Variants in CACNA2D1 observed in about 807,000 individuals in gnomAD.
CACNA2D1 encodes the protein voltage-dependent calcium channel subunit alpha-2/delta-1.
In CACNA2D1, 53 loss-of-function variants were observed where a neutral mutation model predicts 171.5. The observed-to-expected ratio is 0.31, with a 90% confidence interval of 0.25 to 0.39. The LOEUF (loss-of-function observed/expected upper bound fraction) is 0.39, where lower values mean the gene tolerates loss of function less well. CACNA2D1 is among the 10% of genes least tolerant of loss of function. CACNA2D1 has a pLI of 1.00. For synonymous variants in CACNA2D1, 442 were observed against 443.1 expected, an observed-to-expected ratio of 1.00 and a Z score of 0.03; for missense variants, 903 against 1,299.8, an observed-to-expected ratio of 0.69 and a Z score of 4.69.
chr7:82,392,913 T>C (rs1260139456), intron 1 of CACNA2D1, among the ~76,000 whole-genome samples: 1 of 151,932 alleles, frequency 6.6e-6, no homozygotes, highest in Non-Finnish European at 1.5e-5. Flanking sequence ...CCCTGAAAGA[T>C]ACAGTTATCC....
chr7:82,203,608 G>C (rs988178282), intron 3 of CACNA2D1, among the ~76,000 whole-genome samples: 1 of 152,178 alleles, frequency 6.6e-6, no homozygotes, highest in Non-Finnish European at 1.5e-5. Context: ...CAAGCCCTAC[G>C]GGTAGTTGAT....
At chr7:82,078,889 A>G (rs547782248) in intron 7 of CACNA2D1, among the ~76,000 whole-genome samples, 173 of 150,624 alleles carry the variant, frequency 1.1e-3, no homozygotes, top group African/African-American at 4.3e-3. Context: ...AGGAAGAAGA[A>G]AGAGGGTGGA....
At chr7:82,308,990 T>C (rs973993756) in intron 3 of CACNA2D1, among the ~76,000 whole-genome samples, 7 of 152,208 alleles carry the variant, frequency 4.6e-5, no homozygotes, top group African/African-American at 1.7e-4. Context: ...AAATGAGAAT[T>C]TCAATGAAAG....
At chr7:82,427,077 C>A (rs146212141) in intron 1 of CACNA2D1, among the ~76,000 whole-genome samples, 13 of 152,290 alleles carry the variant, frequency 8.5e-5, no homozygotes, top group Admixed American at 2.0e-4. Context: ...CAGTTTCAGG[C>A]ATCCACTGGG....
chr7:82,248,320 A>T (rs1212227996), intron 3 of CACNA2D1, among the ~76,000 whole-genome samples: 1 of 152,006 alleles, frequency 6.6e-6, no homozygotes, highest in Non-Finnish European at 1.5e-5. Flanking sequence ...CTCTTTTTGG[A>T]AGACTGATCA....
chr7:82,426,602 G>GT (rs1267937448), intron 1 of CACNA2D1, among the ~76,000 whole-genome samples: 1 of 152,174 alleles, frequency 6.6e-6, no homozygotes, highest in African/African-American at 2.4e-5. Flanking sequence ...ATTACAAGTA[G>GT]TATGGTAATT....
At chr7:82,075,773 A>G (rs950790746) in intron 7 of CACNA2D1, among the ~76,000 whole-genome samples, 1 of 152,156 alleles carries the variant, frequency 6.6e-6, no homozygotes, top group African/African-American at 2.4e-5. Context: ...AATCTTTTTA[A>G]TTTTTCATAA....
chr7:82,371,435 A>G (rs1441723087), intron 1 of CACNA2D1, among the ~76,000 whole-genome samples: 2 of 152,202 alleles, frequency 1.3e-5, no homozygotes, highest in East Asian at 3.9e-4. Flanking sequence ...TCTTATATAG[A>G]AAATGTTTAA....
Position 81,967,225 on chromosome 7 carries a change from G to T in CACNA2D1, c.2464-18C>A. 1 of 1,595,708 alleles carries T rather than the reference G, an allele frequency of 6.3e-7. No individual in the cohort carries two copies. Among genetic ancestry groups the T allele is most frequent in the Non-Finnish European group, 8.6e-7 (1 of 1,164,980 alleles). The stretch of plus-strand genomic sequence containing the variant: ...CCAGCACACTGAAAGACAAAAATGC[G>T]ATTATCACCTCACTTTTAAAAGTTG... On this transcript the variant is annotated intron_variant, in intron 30 of 38. Coordinates refer to ENST00000356860, the MANE Select transcript of CACNA2D1 (RefSeq NM_000722.4).
At chr7:82,135,486 C>G (rs947553709) in intron 5 of CACNA2D1, among the ~76,000 whole-genome samples, 9 of 152,044 alleles carry the variant, frequency 5.9e-5, no homozygotes, top group Middle Eastern at 3.4e-3. Flanking sequence ...AAAAAAAATA[C>G]TTTTTAAAAC....
intron 18 of CACNA2D1, among the ~76,000 whole-genome samples, chr7:82,000,698 A>G (rs1562848618): frequency 6.7e-6 from 1 of 149,916 alleles, no homozygotes; most frequent in Admixed American, 6.7e-5. Flanking sequence ...ACTGGGTCCA[A>G]GCGATTCTGC....
intron 1 of CACNA2D1, among the ~76,000 whole-genome samples, chr7:82,393,078 G>GAAGGAAGA (rs1825341657): frequency 3.4e-5 from 4 of 117,958 alleles, no homozygotes; most frequent in African/African-American, 1.4e-4. Context: ...AGGAAGGAAG[G>GAAGGAAGA]AAGGAAGGCA....
intron 1 of CACNA2D1, among the ~76,000 whole-genome samples, chr7:82,411,386 A>G (rs573354568): frequency 9.2e-5 from 14 of 152,272 alleles, no homozygotes; most frequent in African/African-American, 2.9e-4. Context: ...CGAAAATAAC[A>G]TATTTCCCTG....
chr7:82,388,998 C>A (rs1320421359), intron 1 of CACNA2D1, among the ~76,000 whole-genome samples: 1 of 151,772 alleles, frequency 6.6e-6, no homozygotes, highest in African/African-American at 2.4e-5. Context: ...CACCTGTAAT[C>A]CCAGCTACTC....
chr7:82,433,818 T>C (rs962014755), intron 1 of CACNA2D1, among the ~76,000 whole-genome samples: 2 of 152,208 alleles, frequency 1.3e-5, no homozygotes, highest in African/African-American at 4.8e-5. Flanking sequence ...ACTGGCCTTT[T>C]ACCATGTAAT....
At chr7:82,097,581 T>C (rs1812041246) in intron 6 of CACNA2D1, among the ~76,000 whole-genome samples, 1 of 151,994 alleles carries the variant, frequency 6.6e-6, no homozygotes, top group Admixed American at 6.6e-5. Context: ...GGAAGAGAGG[T>C]ACACTTGGGG....
chr7:82,327,209 TGA>T (rs1218292060), intron 3 of CACNA2D1, among the ~76,000 whole-genome samples: 4 of 152,188 alleles, frequency 2.6e-5, no homozygotes, highest in African/African-American at 9.7e-5. Context: ...ACATTGTAAT[TGA>T]GAGTTTGCCC....
intron 24 of CACNA2D1, among the ~76,000 whole-genome samples, chr7:81,976,958 C>T (rs1433301421): frequency 6.6e-6 from 1 of 152,176 alleles, no homozygotes; most frequent in African/African-American, 2.4e-5. Context: ...TGGGAAGAGA[C>T]AATGGGGTTT....
chr7:82,295,226 G>C (rs1812112375), intron 3 of CACNA2D1, among the ~76,000 whole-genome samples: 1 of 151,728 alleles, frequency 6.6e-6, no homozygotes, highest in African/African-American at 2.4e-5. Context: ...GGGAGATATT[G>C]ATCAAAAGGT....
Sources: gnomAD v4.1 joint callset for allele counts (sites outside exome capture counted in the v4.1 genomes callset) on GRCh38, gnomAD v4.1.1 for gene constraint, MANE v1.5 for transcripts, NCBI Gene and HGNC (gene_info 2026-07-23, HGNC 2026-07-21) for gene names.